The following TTC23L variants were observed in gnomAD, a reference collection of about 807,000 sequenced individuals.
TTC23L encodes tetratricopeptide repeat protein 23-like.
A neutral mutation model predicts 48.1 loss-of-function variants in TTC23L; 42 were observed. The observed-to-expected ratio is 0.87, with a 90% confidence interval of 0.68 to 1.13. The LOEUF is 1.13. TTC23L is among the 50% of genes most tolerant of loss of function. The pLI is 0.00. For missense variants in TTC23L, 391 were observed against 421.0 expected (o/e 0.93, Z 0.62); for synonymous variants, 159 against 157.2 (o/e 1.01, Z -0.09).
chr5:34,883,852 T>C (rs1762390719), intron 9 of TTC23L, among the ~76,000 whole-genome samples: 1 of 152,190 alleles, frequency 6.6e-6, no homozygotes, highest in Non-Finnish European at 1.5e-5. Flanking sequence ...TATTGCTAAT[T>C]CTTTTCAAAC....
chr5:34,914,188 A>C, the TTC23L span, among the ~76,000 whole-genome samples: 1 of 152,242 alleles, frequency 6.6e-6, no homozygotes, highest in East Asian at 1.9e-4. Context: ...GTAAAGGAAA[A>C]AAATACTCTT....
chr5:34,891,168 T>C (rs550317400), intron 9 of TTC23L, among the ~76,000 whole-genome samples: 1 of 152,182 alleles, frequency 6.6e-6, no homozygotes. Flanking sequence ...GTACAAGAGA[T>C]AATATGTCAG....
chr5:34,898,405 A>C (rs1763361676), intron 10 of TTC23L, among the ~76,000 whole-genome samples: 1 of 152,188 alleles, frequency 6.6e-6, no homozygotes, highest in African/African-American at 2.4e-5. Context: ...CAAAGATAAT[A>C]TATACACTAT....
At chr5:34,916,267 CA>C in the TTC23L span, 6 of 163,366 alleles carry the variant, frequency 3.7e-5, no homozygotes, top group Non-Finnish European at 8.0e-5. Context: ...TTAGTATGCC[CA>C]TATACTGCCA....
At chr5:34,924,264 G>T in the TTC23L span, among the ~76,000 whole-genome samples, 1 of 152,228 alleles carries the variant, frequency 6.6e-6, no homozygotes, top group Non-Finnish European at 1.5e-5. Flanking sequence ...CATAAACTGA[G>T]CTCTTTTCTG....
intron 3 of TTC23L, among the ~76,000 whole-genome samples, chr5:34,848,201 G>GA: frequency 6.6e-6 from 1 of 152,064 alleles, no homozygotes; most frequent in South Asian, 2.1e-4. Context: ...ACTTAACCAG[G>GA]AAAAAAATGC....
intron 9 of TTC23L, among the ~76,000 whole-genome samples, chr5:34,889,828 GTTT>G (rs63273662): frequency 6.6e-6 from 1 of 150,710 alleles, no homozygotes; most frequent in African/African-American, 2.4e-5. Flanking sequence ...ATTAGGTGGG[GTTT>G]TTTTTTGTTT....
chr5:34,904,592 C>CAA, the TTC23L span, among the ~76,000 whole-genome samples: 6 of 107,538 alleles, frequency 5.6e-5, no homozygotes, highest in African/African-American at 7.0e-5. Flanking sequence ...GACTCCATCT[C>CAA]AAAAAAAAAA....
At chr5:34,905,054 G>A in the TTC23L span, among the ~76,000 whole-genome samples, 7 of 152,164 alleles carry the variant, frequency 4.6e-5, no homozygotes, top group African/African-American at 1.4e-4. Context: ...ATACAGATAC[G>A]AAAAGCACTT....
At chr5:34,845,911 A>C (rs1759079258) in intron 3 of TTC23L, among the ~76,000 whole-genome samples, 1 of 152,128 alleles carries the variant, frequency 6.6e-6, no homozygotes, top group African/African-American at 2.4e-5. Context: ...TAAACTAAAA[A>C]TTAGGCCAGG....
chr5:34,923,086 CA>C, the TTC23L span: 1 of 1,559,876 alleles, frequency 6.4e-7, no homozygotes, highest in Non-Finnish European at 8.8e-7. Flanking sequence ...CCAAAATATA[CA>C]TGATATATCT....
chr5:34,847,296 A>G (rs1174499003), intron 3 of TTC23L, among the ~76,000 whole-genome samples: 1 of 152,170 alleles, frequency 6.6e-6, no homozygotes, highest in Non-Finnish European at 1.5e-5. Context: ...CTAAAAACAC[A>G]CAAGTACCAT....
intron 8 of TTC23L, 111 bp downstream of exon 8, chr5:34,869,124 T>A: frequency 1.2e-6 from 1 of 849,292 alleles, no homozygotes; most frequent in Non-Finnish European, 1.9e-6. Context: ...AATGGAAAAA[T>A]TAGGTGGGTC....
At chr5:34,842,628 T>A (rs1005604905) in intron 2 of TTC23L, among the ~76,000 whole-genome samples, 1 of 151,988 alleles carries the variant, frequency 6.6e-6, no homozygotes, top group Admixed American at 6.6e-5. Context: ...TAGTCCAGAG[T>A]AGGCTTGCAA....
chr5:34,845,254 T>C (rs973610523), intron 2 of TTC23L, among the ~76,000 whole-genome samples: 4 of 152,258 alleles, frequency 2.6e-5, no homozygotes, highest in African/African-American at 9.6e-5. Context: ...GTCATGTGAT[T>C]AGTAAGCAGC....
At position 34,840,239 on chromosome 5, in the gene TTC23L, G is replaced by GC. The variant is rs1554016495; in HGVS notation, c.-7-426_-7-425insC. On this transcript the variant is annotated intron_variant, in intron 1 of 10. Transcript: ENST00000505624. ...GCTATTAATTAGTGAAATGACCCCG[G>GC]GGGGGGGGGGGAAAGCAGAATTAAC... Among the ~76,000 whole-genome samples the GC allele has an allele frequency of 2.9e-5, 4 of 138,188 alleles. 1 individual carries two copies. Among genetic ancestry groups the GC allele is most frequent in the Admixed American group, 2.8e-4 (4 of 14,328 alleles). The allele number at this position is 138,188 out of a possible 152,430, so 90.7% of individuals were successfully genotyped here.
At chr5:34,874,458 G>A (rs1761684936) in intron 8 of TTC23L, among the ~76,000 whole-genome samples, 1 of 152,170 alleles carries the variant, frequency 6.6e-6, no homozygotes, top group East Asian at 1.9e-4. Flanking sequence ...TGGAATGATT[G>A]TAAATGTATA....
the TTC23L span, chr5:34,921,907 CAAAAA>C: frequency 7.4e-4 from 26 of 35,352 alleles, no homozygotes; most frequent in Middle Eastern, 0.014. Context: ...AACTGCATCG[CAAAAA>C]AAAAAAAAAA....
intron 3 of TTC23L, among the ~76,000 whole-genome samples, chr5:34,848,335 G>A (rs754686540): frequency 1.3e-5 from 2 of 152,148 alleles, no homozygotes; most frequent in African/African-American, 2.4e-5. Context: ...TAGGGGTAGA[G>A]GATTATTTTC....
Sources: gnomAD v4.1 joint callset for allele counts (sites outside exome capture counted in the v4.1 genomes callset) on GRCh38, gnomAD v4.1.1 for gene constraint, MANE v1.5 for transcripts, NCBI Gene and HGNC (gene_info 2026-07-23, HGNC 2026-07-21) for gene names.